Variants in AFAP1L2 observed in about 807,000 individuals in gnomAD.
AFAP1L2 encodes actin filament-associated protein 1-like 2.
A neutral mutation model predicts 99.3 loss-of-function variants in AFAP1L2; 46 were observed. The ratio of observed to expected loss-of-function variants is 0.46; its 90% confidence interval spans 0.37 to 0.59. The LOEUF (loss-of-function observed/expected upper bound fraction) is 0.59. Among genes scored for constraint, AFAP1L2 ranks in the 20% least tolerant of loss-of-function variants. AFAP1L2 has a pLI of 0.00. For synonymous variants in AFAP1L2, 397 were observed against 419.1 expected, an observed-to-expected ratio of 0.95 and a Z score of 0.64; for missense variants, 959 against 1,034.9, an observed-to-expected ratio of 0.93 and a Z score of 1.01.
chr10:114,291,243 A>G (rs1370105381), downstream of AFAP1L2: 19 of 1,550,214 alleles, frequency 1.2e-5, no homozygotes, highest in Non-Finnish European at 1.6e-5. Context: ...CCTGAGGCAC[A>G]TGGCTCCCGT....
intron 1 of AFAP1L2, among the ~76,000 whole-genome samples, chr10:114,380,798 T>C (rs1199675698): frequency 6.6e-6 from 1 of 152,264 alleles, no homozygotes; most frequent in Non-Finnish European, 1.5e-5. Flanking sequence ...ATTTGGACCC[T>C]TGTATCATAC....
chr10:114,282,699 C>T, the AFAP1L2 span: 181 of 749,004 alleles, frequency 2.4e-4, no homozygotes, highest in Non-Finnish European at 3.8e-4. Context: ...AGGGATGGGG[C>T]ACTTGGGGGG....
chr10:114,366,615 A>G (rs769906592), intron 1 of AFAP1L2, among the ~76,000 whole-genome samples: 4 of 152,180 alleles, frequency 2.6e-5, no homozygotes, highest in Non-Finnish European at 5.9e-5. Flanking sequence ...CTTATCTGAT[A>G]AGAAGAAACC....
chr10:114,397,622 G>T (rs563379694), intron 1 of AFAP1L2, among the ~76,000 whole-genome samples: 9 of 152,166 alleles, frequency 5.9e-5, no homozygotes, highest in Middle Eastern at 3.2e-3. Flanking sequence ...CAGACTTTCA[G>T]TGGTAAAACC....
chr10:114,333,178 A>C (rs2047472028), intron 3 of AFAP1L2, 43 bp downstream of exon 3: 1 of 1,556,904 alleles, frequency 6.4e-7, no homozygotes, highest in East Asian at 2.2e-5. Context: ...CCCCCATCCC[A>C]GGAGTGGCCA....
intron 1 of AFAP1L2, among the ~76,000 whole-genome samples, chr10:114,401,332 C>T (rs2058212952): frequency 2.0e-5 from 3 of 152,174 alleles, no homozygotes; most frequent in Admixed American, 6.6e-5. Flanking sequence ...CACTCACCAG[C>T]TGGGAGAGCA....
intron 1 of AFAP1L2, among the ~76,000 whole-genome samples, chr10:114,348,521 A>T (rs965194157): frequency 6.6e-6 from 1 of 152,160 alleles, no homozygotes; most frequent in Non-Finnish European, 1.5e-5. Flanking sequence ...TCCATCGTGT[A>T]GATGTAGGAA....
intron 8 of AFAP1L2, among the ~76,000 whole-genome samples, chr10:114,309,045 C>T (rs1442406292): frequency 1.3e-5 from 2 of 152,298 alleles, no homozygotes; most frequent in East Asian, 3.9e-4. Context: ...AAGATGATCC[C>T]TAGAAAAGTG....
At chr10:114,307,768 A>G (rs1316440069) in intron 10 of AFAP1L2, 37 bp downstream of exon 10, 2 of 1,578,880 alleles carry the variant, frequency 1.3e-6, no homozygotes, top group East Asian at 4.5e-5. Context: ...AGCCCAGGAA[A>G]TGAGCCTGTG....
At chr10:114,291,074 T>G, downstream of AFAP1L2, 1 of 948,194 alleles carries the variant, frequency 1.1e-6, no homozygotes, top group Admixed American at 2.1e-5. Flanking sequence ...GATAATCACA[T>G]GGGGTCTCTA....
At chr10:114,346,640 C>T (rs2049624863) in intron 1 of AFAP1L2, among the ~76,000 whole-genome samples, 1 of 152,232 alleles carries the variant, frequency 6.6e-6, no homozygotes, top group African/African-American at 2.4e-5. Context: ...CACCATCCCC[C>T]ACACTTTCAT....
chr10:114,286,065 G>A, the AFAP1L2 span: 9 of 1,614,072 alleles, frequency 5.6e-6, no homozygotes, highest in Admixed American at 1.5e-4. Flanking sequence ...GCCGTGCTGA[G>A]CGAGGACTCT....
chr10:114,376,777 C>T (rs2137212113), intron 1 of AFAP1L2, among the ~76,000 whole-genome samples: 1 of 152,300 alleles, frequency 6.6e-6, no homozygotes, highest in Admixed American at 6.5e-5. Context: ...CTCACAATTT[C>T]AACACTATCC....
At chr10:114,352,905 C>G (rs1397606535) in intron 1 of AFAP1L2, among the ~76,000 whole-genome samples, 2 of 152,254 alleles carry the variant, frequency 1.3e-5, no homozygotes, top group East Asian at 3.8e-4. Context: ...TGACTGTGTA[C>G]AGTGGATACC....
intron 1 of AFAP1L2, among the ~76,000 whole-genome samples, chr10:114,343,181 T>C (rs568352328): frequency 6.6e-6 from 1 of 152,338 alleles, no homozygotes; most frequent in South Asian, 2.1e-4. Context: ...CTAGCTTACA[T>C]AATACACTCA....
intron 10 of AFAP1L2, among the ~76,000 whole-genome samples, chr10:114,305,759 C>T (rs2042201374): frequency 8.6e-6 from 1 of 115,810 alleles, no homozygotes; most frequent in African/African-American, 3.5e-5. Context: ...GGTGCACGTA[C>T]AGGACTGGTC....
rs1238908058 is a variant in AFAP1L2 at position 114,314,001 on chromosome 10, A to C, written c.662T>G (p.Leu221Arg). 7 of 1,613,870 alleles carry C rather than the reference A, an allele frequency of 4.3e-6. No individual in the cohort carries two copies. The highest frequency in any genetic ancestry group is 5.9e-6 in the Non-Finnish European group (7 of 1,179,960). ...DHSPQLDVNLLGSSVIHKEKQ... is the reference protein window; with the variant it reads ...DHSPQLDVNLRGSSVIHKEKQ... ...CTCCTTGTGAATGACGCTGCTGCCC[A>C]GTAGGTTCACGTCCAGCTGAGGGCT... is the stretch of plus-strand genomic sequence containing the variant. Residue 221 changes from leucine to arginine, a missense_variant, in exon 7 of 19, where the codon CTG becomes CGG. Leu to Arg is a moderately radical substitution (Grantham distance 102). Transcript: ENST00000304129.
At chr10:114,381,774 A>C (rs1275299043) in intron 1 of AFAP1L2, among the ~76,000 whole-genome samples, 1 of 152,130 alleles carries the variant, frequency 6.6e-6, no homozygotes, top group Non-Finnish European at 1.5e-5. Flanking sequence ...CTCATACTTA[A>C]AGGGTTAATC....
intron 3 of AFAP1L2, 57 bp downstream of exon 3, chr10:114,333,164 C>A: frequency 6.7e-7 from 1 of 1,500,886 alleles, no homozygotes. Flanking sequence ...CCAGCTTGGA[C>A]CTTCCCCCAT....
Sources: gnomAD v4.1 joint callset for allele counts (sites outside exome capture counted in the v4.1 genomes callset) on GRCh38, gnomAD v4.1.1 for gene constraint, MANE v1.5 for transcripts, NCBI Gene and HGNC (gene_info 2026-07-23, HGNC 2026-07-21) for gene names.